The following SCML2 variants were observed in gnomAD, a reference collection of about 807,000 sequenced individuals.
SCML2 encodes the protein sex comb on midleg-like protein 2.
In SCML2, 6 loss-of-function variants were observed where a neutral mutation model predicts 48.4. The ratio of observed to expected loss-of-function variants is 0.12; its 90% CI spans 0.07 to 0.24. The LOEUF (loss-of-function observed/expected upper bound fraction) is 0.24, where lower values mean the gene tolerates loss of function less well. Among genes scored for constraint, SCML2 ranks in the 10% least tolerant of loss-of-function variants. The pLI is 1.00. For missense variants in SCML2, 377 were observed against 528.2 expected, an observed-to-expected ratio of 0.71 and a Z score of 2.81; for synonymous variants, 181 against 189.5, an observed-to-expected ratio of 0.95 and a Z score of 0.37.
intron 11 of SCML2, among the ~76,000 whole-genome samples, chrX:18,251,920 G>C (rs906348755): frequency 4.5e-5 from 5 of 112,322 alleles, no homozygotes; most frequent in Admixed American, 9.4e-5. Context: ...CCATACAATA[G>C]AATATTATTC....
intron 7 of SCML2, among the ~76,000 whole-genome samples, chrX:18,288,354 A>G (rs1180017918): frequency 9.0e-6 from 1 of 111,637 alleles, no homozygotes; most frequent in Non-Finnish European, 1.9e-5. Context: ...ATCCCTAAAA[A>G]CTATTTTTTA....
chrX:18,246,945 A>T lies in SCML2; in HGVS notation c.1571-117T>A, dbSNP rs189285625. On this transcript the variant is annotated intron_variant, in intron 12 of 14. Transcript: ENST00000251900. ...CACTTAACTTGTGCTATACTGAACC[A>T]CAATGCTCTAACACAAAGTTCATGG... 169 of 722,955 alleles carry T rather than the reference A, an allele frequency of 2.3e-4. No homozygotes were observed. In the East Asian group the frequency reaches 4.6e-3, roughly 20 times the overall value. 59.6% of individuals were successfully genotyped at this position (722,955 alleles called of 1,213,427 possible). A position where few individuals can be genotyped will look rare whatever the true frequency, so the allele number is the denominator to read the frequency against.
chrX:18,254,562 T>G (rs1256825653), intron 11 of SCML2, among the ~76,000 whole-genome samples: 2 of 112,599 alleles, frequency 1.8e-5, no homozygotes, highest in African/African-American at 3.2e-5. Context: ...AGAATTACAT[T>G]TTCTTTAAAA....
At chrX:18,310,993 G>C (rs1010601021) in intron 6 of SCML2, among the ~76,000 whole-genome samples, 1 of 111,516 alleles carries the variant, frequency 9.0e-6, no homozygotes, top group Non-Finnish European at 1.9e-5. Flanking sequence ...CTAAACATGT[G>C]AGAGTATAAA....
Position 18,317,768 on chromosome X carries a change from A to G in SCML2, c.486+2564T>C, listed in dbSNP as rs1328274864. Among the ~76,000 whole-genome samples, 11 of 99,786 alleles carry G rather than the reference A, an allele frequency of 1.1e-4. 1 individual carries two copies. The Admixed American group carries it at 1.2e-3, about 11-fold the overall frequency. 86.7% of individuals were successfully genotyped at this position (99,786 alleles called of 115,157 possible). A position where few individuals can be genotyped will look rare whatever the true frequency, so the allele number is the denominator to read the frequency against. On this transcript the variant is annotated intron_variant, in intron 6 of 14. Transcript: ENST00000251900. Reference sequence around the variant, plus strand: ...AGAATGGCGTGAACCCGGGAGGCGGAGCTTGCAGTGAGCCGAGATCGCGCC... The same window carrying G: ...AGAATGGCGTGAACCCGGGAGGCGGGGCTTGCAGTGAGCCGAGATCGCGCC...
chrX:18,288,561 T>C (rs1421194644), intron 7 of SCML2, among the ~76,000 whole-genome samples: 1 of 112,059 alleles, frequency 8.9e-6, no homozygotes, highest in African/African-American at 3.2e-5. Flanking sequence ...ATAAGTAATA[T>C]TTAGAACAAA....
At chrX:18,268,056 G>A (rs1927317061) in intron 7 of SCML2, among the ~76,000 whole-genome samples, 1 of 112,459 alleles carries the variant, frequency 8.9e-6, no homozygotes, top group African/African-American at 3.2e-5. Flanking sequence ...TAAAATCCAT[G>A]CTAACCTCAA....
intron 6 of SCML2, among the ~76,000 whole-genome samples, chrX:18,313,306 G>A (rs191339049): frequency 2.7e-5 from 3 of 110,413 alleles, no homozygotes; most frequent in South Asian, 4.0e-4. Context: ...CATGGAAGCC[G>A]GTCTTTCCCA....
At chrX:18,271,893 C>T (rs902129756) in intron 7 of SCML2, among the ~76,000 whole-genome samples, 2 of 110,540 alleles carry the variant, frequency 1.8e-5, no homozygotes, top group African/African-American at 3.3e-5. Context: ...CTGCCCAATG[C>T]CTCTGCTTGG....
At chrX:18,314,225 T>A (rs1417043516) in intron 6 of SCML2, among the ~76,000 whole-genome samples, 1 of 111,704 alleles carries the variant, frequency 9.0e-6, no homozygotes, top group African/African-American at 3.3e-5. Context: ...TTGAGACTGT[T>A]AACCACTCCC....
At chrX:18,243,689 T>C (rs967129861) in intron 13 of SCML2, among the ~76,000 whole-genome samples, 1 of 112,040 alleles carries the variant, frequency 8.9e-6, no homozygotes, top group Non-Finnish European at 1.9e-5. Context: ...AAAAAATACA[T>C]AACTGAGACA....
intron 3 of SCML2, among the ~76,000 whole-genome samples, chrX:18,327,341 G>C (rs1929514411): frequency 8.9e-6 from 1 of 111,747 alleles, no homozygotes; most frequent in African/African-American, 3.3e-5. Flanking sequence ...CTGCACTCCA[G>C]CCTGGGCAAC....
intron 7 of SCML2, among the ~76,000 whole-genome samples, chrX:18,271,175 T>C (rs1927446101): frequency 9.0e-6 from 1 of 111,442 alleles, no homozygotes; most frequent in African/African-American, 3.3e-5. Context: ...TGGCTACCCA[T>C]TACATGCTAG....
At chrX:18,345,250 G>T (rs936369321) in intron 1 of SCML2, among the ~76,000 whole-genome samples, 3 of 111,191 alleles carry the variant, frequency 2.7e-5, no homozygotes, top group Non-Finnish European at 5.7e-5. Context: ...ATCACATCTC[G>T]TTCTTCTTTA....
intron 3 of SCML2, 94 bp from the exon 4 acceptor site, chrX:18,325,071 C>A: frequency 2.1e-6 from 1 of 473,998 alleles, no homozygotes; most frequent in Non-Finnish European, 3.4e-6. Flanking sequence ...GGTTTTAGTT[C>A]CATGCCTCTT....
At chrX:18,308,016 T>A (rs1284435335) in intron 6 of SCML2, among the ~76,000 whole-genome samples, 1 of 105,029 alleles carries the variant, frequency 9.5e-6, no homozygotes, top group Non-Finnish European at 2.0e-5. Flanking sequence ...ATCGCTTGAA[T>A]CCAGGAGGCG....
In SCML2 at chrX:18,246,691, A is replaced by G. The variant is rs1926458046; in HGVS notation, c.1708T>C (p.Ser570Pro). ...RNPMYIHTSV[S>P]QDFSRSVPGT... ...GGCACACTTCGAGAAAAATCCTGGG[A>G]GACTGAAGTATGAATATACATAGGA... The change falls in exon 13 of 15, where the codon TCC becomes CCC. Residue 570 changes from serine (S) to proline (P), a missense_variant. Coordinates refer to ENST00000251900, the MANE Select transcript of SCML2 (RefSeq NM_006089.3). 2 of 1,210,557 alleles carry G rather than the reference A, an allele frequency of 1.7e-6. No homozygotes were observed. The highest frequency in any genetic ancestry group is 3.5e-5 in the South Asian group (2 of 56,919).
chrX:18,249,236 A>G (rs1390504514), intron 11 of SCML2, among the ~76,000 whole-genome samples: 1 of 112,094 alleles, frequency 8.9e-6, no homozygotes, highest in Admixed American at 9.5e-5. Context: ...GATGGATCTC[A>G]GAAAAAAACA....
chrX:18,350,832 T>C (rs1413245885), intron 1 of SCML2, among the ~76,000 whole-genome samples: 2 of 111,821 alleles, frequency 1.8e-5, no homozygotes, highest in Non-Finnish European at 3.8e-5. Context: ...CACTAAATTA[T>C]ACCAGTATTT....
Sources: allele counts gnomAD v4.1 joint callset (sites outside exome capture counted in the v4.1 genomes callset), GRCh38; gene constraint gnomAD v4.1.1; transcripts MANE v1.5; gene names NCBI Gene and HGNC (gene_info 2026-07-23, HGNC 2026-07-21).